CACNA2D3: variants seen among roughly 807,000 people sequenced by gnomAD.
CACNA2D3 encodes calcium voltage-gated channel auxiliary subunit alpha2delta 3.
CACNA2D3 carries 60 observed loss-of-function variants against 160.6 expected under a neutral mutation model. The observed-to-expected ratio is 0.37, with a 90% CI of 0.30 to 0.46. The LOEUF is 0.46. Among genes scored for constraint, CACNA2D3 ranks in the 20% least tolerant of loss-of-function variants. The pLI, the probability that CACNA2D3 is intolerant of heterozygous loss-of-function variation, is 1.00. For synonymous variants in CACNA2D3, 558 were observed against 492.9 expected (o/e 1.13, Z -1.75); for missense variants, 1,205 against 1,365.0 (o/e 0.88, Z 1.85).
chr3:54,541,278 GAAAAAAAAAA>G (rs141900915), intron 5 of CACNA2D3, among the ~76,000 whole-genome samples: 5 of 81,736 alleles, frequency 6.1e-5, no homozygotes, highest in African/African-American at 5.1e-5. Flanking sequence ...CTCCGTCTCA[GAAAAAAAAAA>G]AAAAAAAAAA....
At chr3:54,662,873 C>G (rs1165895224) in intron 11 of CACNA2D3, among the ~76,000 whole-genome samples, 1 of 152,134 alleles carries the variant, frequency 6.6e-6, no homozygotes, top group Non-Finnish European at 1.5e-5. Context: ...GTTTGATGAC[C>G]AACTTAGGCT....
chr3:54,258,834 G>A (rs1329291420), intron 2 of CACNA2D3, among the ~76,000 whole-genome samples: 1 of 152,144 alleles, frequency 6.6e-6, no homozygotes, highest in Non-Finnish European at 1.5e-5. Context: ...ACCTATGATA[G>A]CAAAACTCAG....
chr3:54,159,758 T>C (rs1700308808), intron 2 of CACNA2D3, among the ~76,000 whole-genome samples: 1 of 152,108 alleles, frequency 6.6e-6, no homozygotes. Flanking sequence ...TTTTGAAAAA[T>C]AATACACAAA....
intron 2 of CACNA2D3, among the ~76,000 whole-genome samples, chr3:54,200,022 A>G (rs1323881124): frequency 1.3e-5 from 2 of 152,166 alleles, no homozygotes; most frequent in African/African-American, 4.8e-5. Flanking sequence ...GAGCAGTGGG[A>G]TGGAGATTGG....
chr3:54,628,553 G>A (rs1699171241), intron 10 of CACNA2D3, among the ~76,000 whole-genome samples: 1 of 152,194 alleles, frequency 6.6e-6, no homozygotes, highest in East Asian at 1.9e-4. Context: ...GTATTTAGAA[G>A]CAACCCTAGG....
At chr3:54,824,782 G>A (rs1167517973) in intron 14 of CACNA2D3, among the ~76,000 whole-genome samples, 3 of 152,194 alleles carry the variant, frequency 2.0e-5, no homozygotes, top group African/African-American at 7.2e-5. Flanking sequence ...TCAATGAGGG[G>A]TAGTGTTGGC....
At chr3:54,246,420 C>T (rs373167525) in intron 2 of CACNA2D3, among the ~76,000 whole-genome samples, 3 of 152,150 alleles carry the variant, frequency 2.0e-5, no homozygotes, top group Non-Finnish European at 2.9e-5. Flanking sequence ...GGGCCGGATG[C>T]GATGGCTCAT....
At position 54,536,215 on chromosome 3, in the gene CACNA2D3, G is replaced by A. The variant is rs902490314; in HGVS notation, c.545-26585G>A. 5.9e-5 allele frequency among the ~76,000 whole-genome samples: 9 copies of A among 152,264 alleles called. No individual in the cohort carries two copies. In the South Asian group the frequency reaches 1.0e-3, roughly 18 times the overall value. Reference sequence around the variant, plus strand: ...GCTGATAGTGGCATGCCGCATACACGAAACAGGTCATTATATGTAGGGGGT... The same window carrying A: ...GCTGATAGTGGCATGCCGCATACACAAAACAGGTCATTATATGTAGGGGGT... On this transcript the variant is annotated intron_variant, in intron 5 of 37. Coordinates refer to ENST00000474759, the MANE Select transcript of CACNA2D3 (RefSeq NM_018398.3).
chr3:54,763,758 CACATATATAT>C (rs1702142422), intron 12 of CACNA2D3, among the ~76,000 whole-genome samples: 3 of 28,636 alleles, frequency 1.0e-4, no homozygotes, highest in Non-Finnish European at 1.9e-4. Context: ...CATATATATA[CACATATATAT>C]GTATATATGT....
chr3:54,561,259 G>A (rs1471802219), intron 5 of CACNA2D3, among the ~76,000 whole-genome samples: 1 of 152,054 alleles, frequency 6.6e-6, no homozygotes, highest in Non-Finnish European at 1.5e-5. Flanking sequence ...TTGGAGCAGT[G>A]GTTTGTAGTT....
At chr3:54,439,724 G>GAGGA (rs1700114103) in intron 4 of CACNA2D3, among the ~76,000 whole-genome samples, 1 of 152,128 alleles carries the variant, frequency 6.6e-6, no homozygotes, top group South Asian at 2.1e-4. Context: ...GGCAGTCACA[G>GAGGA]AGGAGGCTTG....
intron 13 of CACNA2D3, among the ~76,000 whole-genome samples, chr3:54,806,012 C>G (rs1703111647): frequency 6.6e-6 from 1 of 152,122 alleles, no homozygotes; most frequent in Non-Finnish European, 1.5e-5. Flanking sequence ...ACCCTTCATG[C>G]TAAAAACTCT....
intron 35 of CACNA2D3, among the ~76,000 whole-genome samples, chr3:55,019,508 C>G (rs529587368): frequency 6.6e-6 from 1 of 151,904 alleles, no homozygotes; most frequent in Admixed American, 6.6e-5. Context: ...ACCTACACAC[C>G]CCATAGTTTT....
intron 11 of CACNA2D3, among the ~76,000 whole-genome samples, chr3:54,717,584 G>A (rs1049744161): frequency 8.2e-5 from 12 of 146,748 alleles, no homozygotes; most frequent in Middle Eastern, 7.5e-3. Context: ...GTATGTGTGC[G>A]TGTGTGTGCA....
intron 26 of CACNA2D3, among the ~76,000 whole-genome samples, chr3:54,899,439 A>G (rs899372718): frequency 2.0e-5 from 3 of 152,230 alleles, no homozygotes; most frequent in African/African-American, 7.2e-5. Context: ...CAGGCAGTGT[A>G]AATATGACCA....
At chr3:54,746,436 T>G (rs1373006620) in intron 11 of CACNA2D3, among the ~76,000 whole-genome samples, 2 of 152,180 alleles carry the variant, frequency 1.3e-5, no homozygotes, top group East Asian at 3.8e-4. Flanking sequence ...TTTTGAGAAA[T>G]CCTGGAAATA....
intron 3 of CACNA2D3, among the ~76,000 whole-genome samples, chr3:54,346,096 C>G (rs559674950): frequency 6.6e-6 from 1 of 152,096 alleles, no homozygotes. Flanking sequence ...TATCCTGGCT[C>G]AAGATGTTTG....
chr3:54,961,761 G>T (rs191251703), intron 27 of CACNA2D3, among the ~76,000 whole-genome samples: 3 of 152,258 alleles, frequency 2.0e-5, no homozygotes, highest in Admixed American at 1.3e-4. Context: ...ATGCATGAAT[G>T]ATCACAATTC....
At chr3:54,615,414 C>T (rs892026462) in intron 9 of CACNA2D3, among the ~76,000 whole-genome samples, 1 of 152,152 alleles carries the variant, frequency 6.6e-6, no homozygotes, top group African/African-American at 2.4e-5. Context: ...TTAAATGACA[C>T]CTCAGAAATA....
Sources: gnomAD v4.1 joint callset for allele counts (sites outside exome capture counted in the v4.1 genomes callset) on GRCh38, gnomAD v4.1.1 for gene constraint, MANE v1.5 for transcripts, NCBI Gene and HGNC (gene_info 2026-07-23, HGNC 2026-07-21) for gene names.